The following RIMS2 variants were observed in gnomAD, a reference collection of about 807,000 sequenced individuals.
The protein encoded by RIMS2 is regulating synaptic membrane exocytosis protein 2.
In RIMS2, 59 loss-of-function variants were observed where a neutral mutation model predicts 174.4. The ratio of observed to expected loss-of-function variants is 0.34; its 90% CI spans 0.27 to 0.42. The LOEUF is 0.42. RIMS2 is among the 10% of genes least tolerant of loss of function. The probability of loss-of-function intolerance (pLI) is 1.00; values close to 1 mark genes in which losing one functional copy is unlikely to be tolerated. For missense variants in RIMS2, 1,620 were observed against 1,666.3 expected (o/e 0.97, Z 0.48); for synonymous variants, 606 against 572.5 (o/e 1.06, Z -0.84).
intron 1 of RIMS2, among the ~76,000 whole-genome samples, chr8:103,507,980 A>C (rs867888080): frequency 2.4e-4 from 36 of 152,274 alleles, no homozygotes; most frequent in African/African-American, 7.7e-4. Flanking sequence ...TTTTTAGTAC[A>C]TTATAACCAT....
chr8:103,543,853 G>C (rs955412815), intron 1 of RIMS2, among the ~76,000 whole-genome samples: 12 of 152,144 alleles, frequency 7.9e-5, no homozygotes, highest in African/African-American at 2.9e-4. Context: ...CTCAAAATGG[G>C]TTAAATACTT....
intron 1 of RIMS2, among the ~76,000 whole-genome samples, chr8:103,513,290 TAA>T (rs1211049897): frequency 6.6e-6 from 1 of 152,214 alleles, no homozygotes; most frequent in African/African-American, 2.4e-5. Flanking sequence ...GATATTTGGA[TAA>T]TAGTCCTGGC....
chr8:103,882,118 T>G (rs1389562762), intron 3 of RIMS2, among the ~76,000 whole-genome samples: 3 of 151,464 alleles, frequency 2.0e-5, no homozygotes, highest in Admixed American at 2.0e-4. Context: ...GCTAAATGCC[T>G]TATGGTTCTG....
intron 1 of RIMS2, among the ~76,000 whole-genome samples, chr8:103,571,819 C>A (rs563380337): frequency 5.1e-4 from 77 of 152,292 alleles, no homozygotes; most frequent in Non-Finnish European, 8.8e-4. Flanking sequence ...GGTTCTGTTT[C>A]CTTTTGTTTG....
intron 3 of RIMS2, among the ~76,000 whole-genome samples, chr8:103,829,086 GTTTTT>G (rs34072454): frequency 7.4e-6 from 1 of 134,624 alleles, no homozygotes; most frequent in Non-Finnish European, 1.6e-5. Flanking sequence ...TTAATAATAG[GTTTTT>G]TTTTTTTTTT....
At chr8:103,876,933 A>G (rs1218562439) in intron 3 of RIMS2, among the ~76,000 whole-genome samples, 1 of 110,198 alleles carries the variant, frequency 9.1e-6, no homozygotes, top group Admixed American at 9.9e-5. Context: ...CATATACATA[A>G]CACAGTTTCT....
intron 3 of RIMS2, among the ~76,000 whole-genome samples, chr8:103,847,178 G>A (rs2098972191): frequency 6.6e-6 from 1 of 152,126 alleles, no homozygotes; most frequent in Admixed American, 6.6e-5. Flanking sequence ...TGAAGCAACA[G>A]TATGGCACAG....
chr8:103,648,121 T>C (rs1053737472), intron 1 of RIMS2, among the ~76,000 whole-genome samples: 4 of 152,080 alleles, frequency 2.6e-5, no homozygotes, highest in African/African-American at 9.7e-5. Flanking sequence ...CATTGTCTCT[T>C]TGTTCTCATT....
chr8:103,781,484 A>G (rs1175090154), intron 3 of RIMS2, among the ~76,000 whole-genome samples: 1 of 152,162 alleles, frequency 6.6e-6, no homozygotes, highest in Non-Finnish European at 1.5e-5. Flanking sequence ...TTTCATCAGC[A>G]AGTGTTAAAA....
chr8:103,840,386 C>T (rs552269153), intron 3 of RIMS2, among the ~76,000 whole-genome samples: 8 of 151,008 alleles, frequency 5.3e-5, no homozygotes, highest in East Asian at 4.0e-4. Context: ...AGTCATTGTT[C>T]TATTTTTCCC....
chr8:103,920,064 C>T (rs977180920), intron 9 of RIMS2, among the ~76,000 whole-genome samples: 1 of 151,988 alleles, frequency 6.6e-6, no homozygotes, highest in Non-Finnish European at 1.5e-5. Flanking sequence ...GCATGGAAAC[C>T]TTTATCTTAT....
intron 19 of RIMS2, among the ~76,000 whole-genome samples, chr8:104,087,278 T>G (rs1227075241): frequency 1.3e-5 from 2 of 152,046 alleles, no homozygotes; most frequent in African/African-American, 4.8e-5. Flanking sequence ...ATAATAAGAT[T>G]ACTAAAATCA....
chr8:104,050,856 G>A (rs903685892), intron 19 of RIMS2, among the ~76,000 whole-genome samples: 5 of 152,134 alleles, frequency 3.3e-5, no homozygotes, highest in African/African-American at 1.2e-4. Context: ...TTAGAACATA[G>A]TGAATTTATG....
chr8:103,819,683 T>G lies in RIMS2; in HGVS notation c.698+53146T>G. The G allele has an allele frequency of 2.2e-6, 3 of 1,390,444 alleles. No individual in the cohort carries two copies. In the South Asian group the frequency reaches 3.8e-5, roughly 17 times the overall value. 86.1% of individuals were successfully genotyped at this position (1,390,444 alleles called of 1,614,324 possible). On this transcript the variant is annotated intron_variant, in intron 3 of 23. Transcript: ENST00000504942. ...TAATATTGTTATTTTCAGAATAATC[T>G]TATATGCCAGTAAAAATTGTTTTGT...
At chr8:103,811,796 C>T (rs1329634054) in intron 3 of RIMS2, among the ~76,000 whole-genome samples, 1 of 152,232 alleles carries the variant, frequency 6.6e-6, no homozygotes, top group Non-Finnish European at 1.5e-5. Flanking sequence ...TGCTTTTGCA[C>T]TGGATTATTA....
At chr8:104,134,001 T>C (rs2098496456) in intron 19 of RIMS2, among the ~76,000 whole-genome samples, 1 of 152,160 alleles carries the variant, frequency 6.6e-6, no homozygotes, top group African/African-American at 2.4e-5. Flanking sequence ...AGAAAGAAGC[T>C]CAGCCTACTA....
intron 1 of RIMS2, among the ~76,000 whole-genome samples, chr8:103,540,096 GA>G (rs1400506208): frequency 1.3e-5 from 2 of 152,184 alleles, no homozygotes; most frequent in African/African-American, 2.4e-5. Context: ...CTGTGCCACA[GA>G]CAACAGTACC....
intron 1 of RIMS2, among the ~76,000 whole-genome samples, chr8:103,609,093 T>G (rs1165202926): frequency 6.6e-6 from 1 of 152,252 alleles, no homozygotes; most frequent in African/African-American, 2.4e-5. Context: ...GATTTGCGTT[T>G]TTCTAATGAT....
At chr8:103,506,221 C>T (rs888213038) in intron 1 of RIMS2, among the ~76,000 whole-genome samples, 2 of 152,068 alleles carry the variant, frequency 1.3e-5, no homozygotes, top group Admixed American at 6.5e-5. Flanking sequence ...AAAAAATTGA[C>T]TTATATTTTA....
Sources: gnomAD v4.1 joint callset for allele counts (sites outside exome capture counted in the v4.1 genomes callset) on GRCh38, gnomAD v4.1.1 for gene constraint, MANE v1.5 for transcripts, NCBI Gene and HGNC (gene_info 2026-07-23, HGNC 2026-07-21) for gene names.